Variants in KHDRBS3 observed in about 807,000 individuals in gnomAD.
KHDRBS3 encodes the protein KH domain-containing, RNA-binding, signal transduction-associated protein 3.
A neutral mutation model predicts 45.6 loss-of-function variants in KHDRBS3; 23 were observed. The observed-to-expected ratio is 0.50, with a 90% confidence interval of 0.36 to 0.72. The LOEUF is 0.72. Ranked by LOEUF, KHDRBS3 falls within the 30% of genes least tolerant of loss-of-function variation. KHDRBS3 has a pLI of 0.00. For synonymous variants in KHDRBS3, 162 were observed against 156.5 expected (o/e 1.04, Z -0.26); for missense variants, 352 against 424.8 (o/e 0.83, Z 1.51).
chr8:135,577,945 G>A (rs555695692), intron 5 of KHDRBS3, among the ~76,000 whole-genome samples: 3 of 152,104 alleles, frequency 2.0e-5, no homozygotes, highest in Admixed American at 6.5e-5. Context: ...CGTGAGAAGT[G>A]GTATCTCACT....
intron 2 of KHDRBS3, among the ~76,000 whole-genome samples, chr8:135,535,649 A>G (rs1563750554): frequency 6.6e-6 from 1 of 152,060 alleles, no homozygotes. Flanking sequence ...TTTTTATCCT[A>G]TGGGTCACTT....
chr8:135,499,575 T>C (rs903628549), intron 1 of KHDRBS3, among the ~76,000 whole-genome samples: 1 of 152,224 alleles, frequency 6.6e-6, no homozygotes, highest in African/African-American at 2.4e-5. Context: ...TTTGGAGATA[T>C]AAAATCTTAG....
chr8:135,646,965 TA>T, intron 8 of KHDRBS3, 27 bp from the exon 9 acceptor site: 1 of 1,222,080 alleles, frequency 8.2e-7, no homozygotes, highest in Non-Finnish European at 1.2e-6. Flanking sequence ...GGCAGTGATC[TA>T]ATTGTGATTC....
intron 1 of KHDRBS3, among the ~76,000 whole-genome samples, chr8:135,500,065 T>G (rs901519523): frequency 6.6e-6 from 1 of 152,218 alleles, no homozygotes; most frequent in Non-Finnish European, 1.5e-5. Flanking sequence ...TTTTCCTGTT[T>G]AGTGATTTTT....
chr8:135,458,756 A>G (rs926920056), intron 1 of KHDRBS3: 32 of 418,396 alleles, frequency 7.6e-5, no homozygotes, highest in Non-Finnish European at 1.3e-4. Context: ...AGTCCTTGCC[A>G]TTTTCACACG....
At chr8:135,527,435 G>T (rs189832900) in intron 2 of KHDRBS3, among the ~76,000 whole-genome samples, 1 of 152,206 alleles carries the variant, frequency 6.6e-6, no homozygotes, top group Non-Finnish European at 1.5e-5. Context: ...GGCATTTGGG[G>T]AATTACAAGC....
chr8:135,601,650 A>G (rs1829221435), intron 6 of KHDRBS3, among the ~76,000 whole-genome samples: 1 of 152,148 alleles, frequency 6.6e-6, no homozygotes, highest in Non-Finnish European at 1.5e-5. Flanking sequence ...ATATAAAGTA[A>G]ACCTTTCAGC....
intron 4 of KHDRBS3, among the ~76,000 whole-genome samples, chr8:135,653,855 G>A (rs1358208147): frequency 3.3e-5 from 5 of 152,196 alleles, no homozygotes; most frequent in Non-Finnish European, 5.9e-5. Flanking sequence ...TAGTGGAAGT[G>A]TGATATTTCT....
chr8:135,590,341 G>A (rs1474304851), intron 6 of KHDRBS3, among the ~76,000 whole-genome samples: 3 of 152,152 alleles, frequency 2.0e-5, no homozygotes, highest in Non-Finnish European at 4.4e-5. Context: ...GCTGTACTTG[G>A]TTTCTAACCT....
chr8:135,499,980 C>T (rs1823650692), intron 1 of KHDRBS3, among the ~76,000 whole-genome samples: 1 of 152,138 alleles, frequency 6.6e-6, no homozygotes, highest in Non-Finnish European at 1.5e-5. Context: ...TTACAGTTTA[C>T]AGTTGCAAGT....
chr8:135,554,808 A>T (rs184559548), intron 4 of KHDRBS3, among the ~76,000 whole-genome samples: 54 of 152,314 alleles, frequency 3.5e-4, no homozygotes, highest in African/African-American at 1.1e-3. Flanking sequence ...AAAATTTTTT[A>T]AAATAAATAT....
At chr8:135,642,614 G>A (rs772721435) in intron 7 of KHDRBS3, among the ~76,000 whole-genome samples, 17 of 152,090 alleles carry the variant, frequency 1.1e-4, no homozygotes, top group African/African-American at 3.9e-4. Flanking sequence ...TTAAGCCAGC[G>A]GAGCTTAACA....
intron 2 of KHDRBS3, chr8:135,538,444 A>G (rs1434908327): frequency 1.3e-5 from 2 of 152,170 alleles, no homozygotes; most frequent in East Asian, 3.8e-4. Context: ...TATCTAAGTT[A>G]TGTGGGTAAG....
chr8:135,547,797 G>C (rs959245940), intron 3 of KHDRBS3, among the ~76,000 whole-genome samples: 1 of 152,088 alleles, frequency 6.6e-6, no homozygotes, highest in African/African-American at 2.4e-5. Flanking sequence ...TCAGATTCCT[G>C]TTAATCTTAA....
chr8:135,469,515 TTG>T (rs1563699580), intron 1 of KHDRBS3, among the ~76,000 whole-genome samples: 9 of 20,436 alleles, frequency 4.4e-4, no homozygotes, highest in Admixed American at 1.2e-3. Flanking sequence ...TGTTTTTTTT[TTG>T]TTTTGGTTTT....
intron 7 of KHDRBS3, among the ~76,000 whole-genome samples, chr8:135,614,735 CAG>C (rs755307424): frequency 1.1e-4 from 16 of 151,692 alleles, no homozygotes; most frequent in East Asian, 9.7e-4. Flanking sequence ...AGAGTAGAGA[CAG>C]GGGTGAAAAA....
intron 1 of KHDRBS3, among the ~76,000 whole-genome samples, chr8:135,512,387 TTTAA>T (rs753543527): frequency 1.5e-5 from 2 of 134,644 alleles, no homozygotes; most frequent in Non-Finnish European, 3.1e-5. Context: ...ATGCCTGTCC[TTTAA>T]TTAAACTTTA....
chr8:135,627,668 T>A (rs1830432304), intron 7 of KHDRBS3, among the ~76,000 whole-genome samples: 1 of 152,162 alleles, frequency 6.6e-6, no homozygotes, highest in African/African-American at 2.4e-5. Context: ...TGAAAAAAAA[T>A]AGTTCAGTGA....
intron 1 of KHDRBS3, chr8:135,458,648 G>A (rs1821252316): frequency 2.8e-6 from 1 of 355,002 alleles, no homozygotes; most frequent in South Asian, 2.1e-5. Flanking sequence ...GAAGTCAGTA[G>A]GGGAGAAGAG....
Sources: allele counts gnomAD v4.1 joint callset (sites outside exome capture counted in the v4.1 genomes callset), GRCh38; gene constraint gnomAD v4.1.1; transcripts MANE v1.5; gene names NCBI Gene and HGNC (gene_info 2026-07-23, HGNC 2026-07-21).